The following PTPRM variants were observed in gnomAD, a reference collection of about 807,000 sequenced individuals.
PTPRM encodes protein tyrosine phosphatase receptor type M.
In PTPRM, 47 loss-of-function variants were observed where a neutral mutation model predicts 186.7. The observed-to-expected ratio is 0.25, with a 90% CI of 0.20 to 0.32. PTPRM has a LOEUF of 0.32. Among genes scored for constraint, PTPRM ranks in the 10% least tolerant of loss-of-function variants. PTPRM has a pLI of 1.00. For missense variants in PTPRM, 1,494 were observed against 1,865.0 expected (o/e 0.80, Z 3.66); for synonymous variants, 668 against 674.9 (o/e 0.99, Z 0.16).
intron 1 of PTPRM, among the ~76,000 whole-genome samples, chr18:7,600,217 C>A (rs1380078888): frequency 2.0e-5 from 3 of 150,680 alleles, no homozygotes; most frequent in African/African-American, 4.9e-5. Flanking sequence ...TAGTGACTAC[C>A]TCACAGTCTG....
intron 2 of PTPRM, among the ~76,000 whole-genome samples, chr18:7,872,120 ACTGTT>A (rs2048011954): frequency 6.6e-6 from 1 of 152,216 alleles, no homozygotes; most frequent in Non-Finnish European, 1.5e-5. Context: ...GTATCAAATT[ACTGTT>A]TCTGCTTTTT....
intron 14 of PTPRM, among the ~76,000 whole-genome samples, chr18:8,233,126 GATCAT>G (rs1429953241): frequency 1.3e-5 from 2 of 152,214 alleles, no homozygotes; most frequent in African/African-American, 4.8e-5. Flanking sequence ...TTTGCTGTTT[GATCAT>G]ATAGCCTCCA....
intron 7 of PTPRM, among the ~76,000 whole-genome samples, chr18:7,975,336 T>C (rs751745958): frequency 2.6e-5 from 4 of 152,218 alleles, no homozygotes; most frequent in Non-Finnish European, 4.4e-5. Flanking sequence ...AGCAGCTTTT[T>C]ATTCATAATT....
rs2043559364 is a variant in PTPRM at position 7,795,188 on chromosome 18, C to T, written c.196+20917C>T. The stretch of plus-strand genomic sequence containing the variant: ...ATCGAGTGCCTCTGATTTTCTGTTG[C>T]CATTGTATTTTGGCATTAGACTGGT... On this transcript the variant is annotated intron_variant, in intron 2 of 32. Transcript: ENST00000580170. 2.0e-5 allele frequency among the ~76,000 whole-genome samples: 3 copies of T among 152,104 alleles called. No homozygotes were observed. The South Asian group carries it at 6.2e-4, about 32-fold the overall frequency.
intron 22 of PTPRM, among the ~76,000 whole-genome samples, chr18:8,332,484 G>C (rs1456412938): frequency 1.3e-5 from 2 of 152,174 alleles, no homozygotes; most frequent in African/African-American, 2.4e-5. Context: ...GCCACAAATA[G>C]TCACATGGTT....
intron 1 of PTPRM, among the ~76,000 whole-genome samples, chr18:7,758,018 G>A (rs191977045): frequency 3.9e-5 from 6 of 152,068 alleles, no homozygotes; most frequent in Non-Finnish European, 8.8e-5. Context: ...ATAATCACGG[G>A]GGACACATCC....
intron 1 of PTPRM, among the ~76,000 whole-genome samples, chr18:7,688,449 A>G (rs1265037063): frequency 1.3e-5 from 2 of 152,188 alleles, no homozygotes; most frequent in Non-Finnish European, 2.9e-5. Flanking sequence ...CAGACATCTG[A>G]AGCTTTTGTC....
chr18:7,615,303 A>G (rs2037775121), intron 1 of PTPRM, among the ~76,000 whole-genome samples: 1 of 152,184 alleles, frequency 6.6e-6, no homozygotes, highest in African/African-American at 2.4e-5. Flanking sequence ...CATCATTTCT[A>G]TATTTTTCAT....
intron 7 of PTPRM, among the ~76,000 whole-genome samples, chr18:8,016,547 GAAAAA>G (rs1174035972): frequency 9.8e-4 from 139 of 142,366 alleles, no homozygotes; most frequent in African/African-American, 3.4e-3. Context: ...AAAAAAAAAA[GAAAAA>G]AAAGAAAAGA....
intron 1 of PTPRM, among the ~76,000 whole-genome samples, chr18:7,609,369 C>T (rs764936344): frequency 4.6e-5 from 7 of 152,114 alleles, no homozygotes; most frequent in South Asian, 2.1e-4. Context: ...AGTCCTGTGG[C>T]GAAGCGTTGG....
chr18:7,955,944 C>G (rs541293753), intron 7 of PTPRM, among the ~76,000 whole-genome samples: 1 of 152,118 alleles, frequency 6.6e-6, no homozygotes, highest in Non-Finnish European at 1.5e-5. Context: ...TGGGTGCAGT[C>G]TTTAGTTTCT....
intron 1 of PTPRM, among the ~76,000 whole-genome samples, chr18:7,583,790 G>A (rs748681585): frequency 2.0e-5 from 3 of 152,152 alleles, no homozygotes; most frequent in Non-Finnish European, 2.9e-5. Context: ...TCTGTTTAAC[G>A]TGAAAGGTGC....
At chr18:7,942,790 G>A (rs2052270560) in intron 5 of PTPRM, among the ~76,000 whole-genome samples, 2 of 152,218 alleles carry the variant, frequency 1.3e-5, no homozygotes, top group African/African-American at 2.4e-5. Context: ...AGTGGAGGGT[G>A]AGGTCTCTCT....
chr18:8,100,031 A>G (rs139985216), intron 11 of PTPRM, among the ~76,000 whole-genome samples: 50 of 152,284 alleles, frequency 3.3e-4, no homozygotes, highest in African/African-American at 1.2e-3. Context: ...AGCCTCCAAT[A>G]TTCCACTTAA....
At chr18:8,307,334 A>G (rs1324666659) in intron 20 of PTPRM, among the ~76,000 whole-genome samples, 2 of 152,200 alleles carry the variant, frequency 1.3e-5, no homozygotes, top group African/African-American at 2.4e-5. Flanking sequence ...GGCAGAACAC[A>G]TGTCCCGCGT....
At chr18:7,976,483 C>T (rs1052886248) in intron 7 of PTPRM, among the ~76,000 whole-genome samples, 6 of 152,218 alleles carry the variant, frequency 3.9e-5, no homozygotes, top group South Asian at 2.1e-4. Flanking sequence ...TTCGTTGGTA[C>T]GATGTGTTGA....
intron 14 of PTPRM, among the ~76,000 whole-genome samples, chr18:8,164,829 A>G (rs2093294404): frequency 6.6e-6 from 1 of 152,232 alleles, no homozygotes; most frequent in Non-Finnish European, 1.5e-5. Context: ...ACACTTAAAA[A>G]TAGTTAAAAT....
At chr18:8,341,682 G>GCCCCC (rs56361813) in intron 22 of PTPRM, among the ~76,000 whole-genome samples, 9 of 149,534 alleles carry the variant, frequency 6.0e-5, no homozygotes, top group African/African-American at 2.2e-4. Context: ...ACCTAGTGAA[G>GCCCCC]CCCCCCCCCC....
At chr18:8,134,251 C>CA in intron 13 of PTPRM, among the ~76,000 whole-genome samples, 1 of 152,302 alleles carries the variant, frequency 6.6e-6, no homozygotes. Flanking sequence ...CATCTATACA[C>CA]AGACCACTCA....
Sources: allele counts gnomAD v4.1 joint callset (sites outside exome capture counted in the v4.1 genomes callset), GRCh38; gene constraint gnomAD v4.1.1; transcripts MANE v1.5; gene names NCBI Gene and HGNC (gene_info 2026-07-23, HGNC 2026-07-21).